MGAT4C: variants seen among roughly 807,000 people sequenced by gnomAD.
MGAT4C encodes the protein alpha-1,3-mannosyl-glycoprotein 4-beta-N-acetylglucosaminyltransferase C.
A neutral mutation model predicts 40.1 loss-of-function variants in MGAT4C; 19 were observed. The ratio of observed to expected loss-of-function variants is 0.47; its 90% confidence interval spans 0.33 to 0.70. The LOEUF (loss-of-function observed/expected upper bound fraction) is 0.70. MGAT4C is among the 30% of genes least tolerant of loss of function. The pLI is 0.02. For synonymous variants in MGAT4C, 181 were observed against 187.1 expected, an observed-to-expected ratio of 0.97 and a Z score of 0.27; for missense variants, 491 against 563.2, an observed-to-expected ratio of 0.87 and a Z score of 1.30.
intron 1 of MGAT4C, among the ~76,000 whole-genome samples, chr12:86,761,285 C>A (rs1951401195): frequency 6.6e-6 from 1 of 152,048 alleles, no homozygotes; most frequent in Non-Finnish European, 1.5e-5. Flanking sequence ...ATGCCTTTGG[C>A]TTGAATATTG....
intron 4 of MGAT4C, among the ~76,000 whole-genome samples, chr12:86,290,713 G>GAAA (rs147119867): frequency 1.8e-5 from 2 of 111,810 alleles, no homozygotes; most frequent in African/African-American, 6.8e-5. Context: ...GTTAAGGAAA[G>GAAA]AAAAAAAAAA....
At chr12:86,775,753 A>G (rs983445421) in intron 1 of MGAT4C, among the ~76,000 whole-genome samples, 5 of 151,742 alleles carry the variant, frequency 3.3e-5, no homozygotes, top group African/African-American at 1.2e-4. Flanking sequence ...CAAACTTATC[A>G]TTTGCTAGAC....
At chr12:86,573,915 G>A (rs1011134826) in intron 2 of MGAT4C, among the ~76,000 whole-genome samples, 2 of 151,706 alleles carry the variant, frequency 1.3e-5, no homozygotes, top group African/African-American at 4.8e-5. Flanking sequence ...TCTGTAACTT[G>A]AACAGATATC....
chr12:86,163,370 T>C (rs1337548064), intron 1 of MGAT4C, among the ~76,000 whole-genome samples: 1 of 152,068 alleles, frequency 6.6e-6, no homozygotes, highest in African/African-American at 2.4e-5. Flanking sequence ...TTTAAAAACT[T>C]TTTGTAGAGA....
chr12:86,091,771 A>G (rs2135571400), intron 1 of MGAT4C, among the ~76,000 whole-genome samples: 1 of 152,184 alleles, frequency 6.6e-6, no homozygotes, highest in African/African-American at 2.4e-5. Context: ...CTCGATGGAG[A>G]GCCCTTGAAG....
At chr12:86,724,636 A>C (rs1298813329) in intron 2 of MGAT4C, among the ~76,000 whole-genome samples, 1 of 152,222 alleles carries the variant, frequency 6.6e-6, no homozygotes, top group African/African-American at 2.4e-5. Flanking sequence ...GTGACATTCA[A>C]AATGAAAATA....
intron 1 of MGAT4C, among the ~76,000 whole-genome samples, chr12:86,807,050 A>G (rs1952370467): frequency 6.6e-6 from 1 of 151,828 alleles, no homozygotes; most frequent in African/African-American, 2.4e-5. Context: ...AAATTATCAA[A>G]AAAAGAAAAC....
At chr12:86,755,009 G>T (rs1270009065) in intron 1 of MGAT4C, among the ~76,000 whole-genome samples, 2 of 151,928 alleles carry the variant, frequency 1.3e-5, no homozygotes, top group Non-Finnish European at 2.9e-5. Flanking sequence ...ATCAACCTGG[G>T]TTAGGCTATA....
intron 1 of MGAT4C, among the ~76,000 whole-genome samples, chr12:86,769,759 G>T (rs556559889): frequency 9.9e-5 from 15 of 152,020 alleles, no homozygotes; most frequent in African/African-American, 1.7e-4. Context: ...GTAAACTATC[G>T]CAAGGACAAA....
At chr12:86,604,288 T>C (rs961534318) in intron 2 of MGAT4C, among the ~76,000 whole-genome samples, 3 of 152,070 alleles carry the variant, frequency 2.0e-5, no homozygotes, top group Non-Finnish European at 4.4e-5. Context: ...ATTTTCTAGG[T>C]CTCTCTATTC....
intron 2 of MGAT4C, among the ~76,000 whole-genome samples, chr12:86,600,970 C>T (rs976659135): frequency 3.3e-5 from 5 of 152,370 alleles, no homozygotes; most frequent in Admixed American, 6.5e-5. Context: ...CGAGCCCAGG[C>T]GCTGTAGCGA....
intron 2 of MGAT4C, among the ~76,000 whole-genome samples, chr12:86,439,032 A>T (rs1592849185): frequency 6.6e-6 from 1 of 151,938 alleles, no homozygotes; most frequent in East Asian, 1.9e-4. Flanking sequence ...GATAGAAGCG[A>T]TTTCAACACT....
At chr12:86,756,119 C>G (rs1346294084) in intron 1 of MGAT4C, among the ~76,000 whole-genome samples, 9 of 152,054 alleles carry the variant, frequency 5.9e-5, no homozygotes, top group Non-Finnish European at 4.4e-5. Context: ...AGTTTAAACA[C>G]AGAAATTTAT....
intron 1 of MGAT4C, among the ~76,000 whole-genome samples, chr12:86,823,624 G>T (rs576745273): frequency 6.6e-6 from 1 of 150,846 alleles, no homozygotes; most frequent in African/African-American, 2.4e-5. Flanking sequence ...AGATATCCAG[G>T]ATAGAAAATG....
chr12:86,395,598 T>C (rs1592786937), intron 3 of MGAT4C, among the ~76,000 whole-genome samples: 1 of 152,202 alleles, frequency 6.6e-6, no homozygotes, highest in Non-Finnish European at 1.5e-5. Flanking sequence ...GTTATGCACA[T>C]TCAACCAATG....
intron 4 of MGAT4C, among the ~76,000 whole-genome samples, chr12:86,282,011 T>A (rs1330230970): frequency 6.6e-6 from 1 of 152,126 alleles, no homozygotes; most frequent in East Asian, 1.9e-4. Flanking sequence ...GCTTTAAAAT[T>A]TTCTTTATAT....
At chr12:86,630,406 G>A (rs1962991084) in intron 2 of MGAT4C, among the ~76,000 whole-genome samples, 2 of 152,118 alleles carry the variant, frequency 1.3e-5, no homozygotes, top group African/African-American at 2.4e-5. Flanking sequence ...CATTTGATGA[G>A]GCCAGTATCA....
chr12:86,117,624 A>G (rs1438339516), intron 1 of MGAT4C, among the ~76,000 whole-genome samples: 1 of 152,160 alleles, frequency 6.6e-6, no homozygotes, highest in Non-Finnish European at 1.5e-5. Context: ...GGCATAAATA[A>G]AACTCCTTTC....
At chr12:86,077,899 C>A (rs903652998) in intron 1 of MGAT4C, among the ~76,000 whole-genome samples, 2 of 152,168 alleles carry the variant, frequency 1.3e-5, no homozygotes, top group African/African-American at 4.8e-5. Context: ...TCATCTTAGC[C>A]TGTTGACTTA....
Sources: allele counts gnomAD v4.1 joint callset (sites outside exome capture counted in the v4.1 genomes callset), GRCh38; gene constraint gnomAD v4.1.1; transcripts MANE v1.5; gene names NCBI Gene and HGNC (gene_info 2026-07-23, HGNC 2026-07-21).